Variants in PRIM2 observed in about 807,000 individuals in gnomAD.
PRIM2 encodes the protein DNA primase subunit 2.
PRIM2 carries 39 observed loss-of-function variants against 67.3 expected under a neutral mutation model. The ratio of observed to expected loss-of-function variants is 0.58; its 90% CI spans 0.45 to 0.76. The LOEUF is 0.76. PRIM2 is among the 30% of genes least tolerant of loss of function. PRIM2 has a pLI of 0.00. For synonymous variants in PRIM2, 143 were observed against 198.7 expected (o/e 0.72, Z 2.36); for missense variants, 398 against 598.7 (o/e 0.66, Z 3.50).
At chr6:57,450,686 A>G (rs1772514222) in intron 7 of PRIM2, among the ~76,000 whole-genome samples, 1 of 152,236 alleles carries the variant, frequency 6.6e-6, no homozygotes, top group Non-Finnish European at 1.5e-5. Flanking sequence ...TGTTTGCGAT[A>G]TGAAGCATGA....
chr6:57,566,842 A>G (rs1477934321), intron 10 of PRIM2, among the ~76,000 whole-genome samples: 5 of 152,288 alleles, frequency 3.3e-5, no homozygotes, highest in Admixed American at 3.3e-4. Context: ...AGTGCTTGGA[A>G]ATACAATTAC....
At chr6:57,261,950 T>C in the PRIM2 span, among the ~76,000 whole-genome samples, 2 of 152,206 alleles carry the variant, frequency 1.3e-5, no homozygotes, top group African/African-American at 4.8e-5. Context: ...CCCACAGCTA[T>C]GTCAGCAGTA....
intron 12 of PRIM2, among the ~76,000 whole-genome samples, chr6:57,607,202 T>G (rs1776579789): frequency 6.6e-6 from 1 of 152,176 alleles, no homozygotes; most frequent in Non-Finnish European, 1.5e-5. Flanking sequence ...TATTTTTATT[T>G]AAAGAAAATT....
chr6:57,455,634 G>A (rs1772743194), intron 7 of PRIM2, among the ~76,000 whole-genome samples: 1 of 151,936 alleles, frequency 6.6e-6, no homozygotes, highest in South Asian at 2.1e-4. Context: ...TTTTCCATTT[G>A]CTTGGTAGAT....
chr6:57,540,260 CACAG>C (rs1485802147), intron 10 of PRIM2, among the ~76,000 whole-genome samples: 11 of 152,148 alleles, frequency 7.2e-5, no homozygotes, highest in Admixed American at 7.2e-4. Context: ...CACACATGCA[CACAG>C]ACATACACAC....
At chr6:57,239,958 CAT>C in the PRIM2 span, among the ~76,000 whole-genome samples, 3 of 152,162 alleles carry the variant, frequency 2.0e-5, no homozygotes, top group Non-Finnish European at 4.4e-5. Context: ...TCAAAAAAGA[CAT>C]AGTTCTTGCC....
At chr6:57,486,891 T>C (rs1348260754) in intron 7 of PRIM2, among the ~76,000 whole-genome samples, 5 of 152,220 alleles carry the variant, frequency 3.3e-5, no homozygotes, top group Non-Finnish European at 7.3e-5. Context: ...TAATCTTTTT[T>C]CCCCTTACAT....
the PRIM2 span, among the ~76,000 whole-genome samples, chr6:57,232,192 G>C: frequency 6.6e-6 from 1 of 152,206 alleles, no homozygotes; most frequent in Non-Finnish European, 1.5e-5. Flanking sequence ...GATGGTTATA[G>C]ACATCGAGTT....
chr6:57,467,365 C>T (rs1287197453), intron 7 of PRIM2, among the ~76,000 whole-genome samples: 4 of 151,962 alleles, frequency 2.6e-5, no homozygotes, highest in Non-Finnish European at 2.9e-5. Flanking sequence ...TTTTTCAACA[C>T]TATTTTTTAA....
At chr6:57,609,932 T>C (rs1446400204) in intron 12 of PRIM2, among the ~76,000 whole-genome samples, 2 of 152,146 alleles carry the variant, frequency 1.3e-5, no homozygotes, top group Admixed American at 1.3e-4. Flanking sequence ...TCTTGAAAAC[T>C]CCAAGCGTAC....
chr6:57,484,882 A>G (rs1319820861), intron 7 of PRIM2, among the ~76,000 whole-genome samples: 1 of 152,224 alleles, frequency 6.6e-6, no homozygotes, highest in African/African-American at 2.4e-5. Flanking sequence ...ATAGCAGTTA[A>G]TTATATCTGA....
chr6:57,607,161 C>A (rs1776579182), intron 12 of PRIM2, among the ~76,000 whole-genome samples: 2 of 152,270 alleles, frequency 1.3e-5, no homozygotes, highest in South Asian at 4.2e-4. Flanking sequence ...TAGAGTTAGA[C>A]CATCTAAATC....
chr6:57,301,087 T>C, the PRIM2 span, among the ~76,000 whole-genome samples: 1 of 152,216 alleles, frequency 6.6e-6, no homozygotes, highest in Non-Finnish European at 1.5e-5. Flanking sequence ...TAGGACCTTT[T>C]TTCTTCTTTT....
chr6:57,457,914 C>T (rs62399126), intron 7 of PRIM2, among the ~76,000 whole-genome samples: 15 of 152,282 alleles, frequency 9.9e-5, no homozygotes, highest in South Asian at 4.1e-4. Flanking sequence ...TGTTCCTATT[C>T]GGCCATCTTC....
intron 12 of PRIM2, among the ~76,000 whole-genome samples, chr6:57,612,014 A>G (rs1776675484): frequency 6.6e-6 from 1 of 152,162 alleles, no homozygotes; most frequent in Non-Finnish European, 1.5e-5. Context: ...TAGTGAAATG[A>G]AATTTAAAAC....
intron 10 of PRIM2, among the ~76,000 whole-genome samples, chr6:57,562,479 A>G (rs1207103613): frequency 1.3e-5 from 2 of 152,144 alleles, no homozygotes; most frequent in Non-Finnish European, 2.9e-5. Flanking sequence ...ATCCTTTTTT[A>G]TGGCTTCACA....
the PRIM2 span, among the ~76,000 whole-genome samples, chr6:57,240,196 G>A: frequency 3.4e-5 from 5 of 148,310 alleles, no homozygotes; most frequent in Non-Finnish European, 7.4e-5. Context: ...CTGCCTCCCG[G>A]GTTCAAGCGA....
chr6:57,631,004 C>A (rs2127499268), intron 12 of PRIM2, among the ~76,000 whole-genome samples: 1 of 152,262 alleles, frequency 6.6e-6, no homozygotes, highest in East Asian at 1.9e-4. Context: ...ACAGGTCTTT[C>A]ATATATGATT....
intron 5 of PRIM2, among the ~76,000 whole-genome samples, chr6:57,334,792 G>A (rs560830815): frequency 1.1e-4 from 16 of 152,194 alleles, no homozygotes; most frequent in Non-Finnish European, 2.1e-4. Flanking sequence ...TACAGAAGCA[G>A]CATATGCCTG....
Sources: gnomAD v4.1 joint callset for allele counts (sites outside exome capture counted in the v4.1 genomes callset) on GRCh38, gnomAD v4.1.1 for gene constraint, MANE v1.5 for transcripts, NCBI Gene and HGNC (gene_info 2026-07-23, HGNC 2026-07-21) for gene names.